The following SH3TC2 variants were observed in gnomAD, a reference collection of about 807,000 sequenced individuals.
SH3TC2 encodes SH3 domain and tetratricopeptide repeats 2.
A neutral mutation model predicts 124.5 loss-of-function variants in SH3TC2; 87 were observed. That is an observed-to-expected ratio of 0.70 (90% CI 0.59 to 0.84). The LOEUF is 0.84. Among genes scored for constraint, SH3TC2 ranks in the 40% least tolerant of loss-of-function variants. The pLI, the probability that SH3TC2 is intolerant of heterozygous loss-of-function variation, is 0.00. For missense variants in SH3TC2, 1,536 were observed against 1,566.4 expected (o/e 0.98, Z 0.33); for synonymous variants, 634 against 628.5 (o/e 1.01, Z -0.13).
At chr5:149,056,987 T>C (rs1045884964) in intron 1 of SH3TC2, among the ~76,000 whole-genome samples, 14 of 152,188 alleles carry the variant, frequency 9.2e-5, no homozygotes, top group African/African-American at 2.7e-4. Context: ...ATTTTAACAA[T>C]CTTTTTGATA....
Position 149,038,451 on chromosome 5 carries a change from C to T in SH3TC2, c.845G>A (p.Gly282Glu), listed in dbSNP as rs1754319209. 1 of 1,614,154 alleles carries T rather than the reference C, an allele frequency of 6.2e-7. No individual in the cohort carries two copies. The highest frequency in any genetic ancestry group is 8.5e-7 in the Non-Finnish European group (1 of 1,179,998). ...RCKALTGYEP[G>E]EKDELNFYQG... Reference sequence around the variant, plus strand: ...GTAGAAATTCAGTTCATCCTTTTCTCCTGGCTCATAACCCGTCAAGGCCTT... The same window carrying T: ...GTAGAAATTCAGTTCATCCTTTTCTTCTGGCTCATAACCCGTCAAGGCCTT... The change falls in exon 8 of 17, where the codon GGA (glycine) becomes GAA (glutamate). Residue 282 changes from glycine (G) to glutamate (E), a missense_variant. Coordinates refer to ENST00000515425, the MANE Select transcript of SH3TC2 (RefSeq NM_024577.4).
At chr5:149,051,447 G>T (rs543449971) in intron 2 of SH3TC2, among the ~76,000 whole-genome samples, 1 of 152,226 alleles carries the variant, frequency 6.6e-6, no homozygotes, top group Non-Finnish European at 1.5e-5. Context: ...AACCATTCAT[G>T]TATTCATTTA....
Position 149,028,671 on chromosome 5 carries a change from A to G in SH3TC2, c.1177+6T>C, listed in dbSNP as rs1754128347. 2 of 1,614,116 alleles carry G rather than the reference A, an allele frequency of 1.2e-6. No individual in the cohort carries two copies. The highest frequency in any genetic ancestry group is 1.7e-5 in the Admixed American group (1 of 60,024). ...GAATGTCAGGTTCAGCATGATCGCTACTCACCACTCAGATCATTTGGAGGA... is the reference window on the plus strand; with the variant it reads ...GAATGTCAGGTTCAGCATGATCGCTGCTCACCACTCAGATCATTTGGAGGA... On this transcript the variant is annotated splice_donor_region_variant and intron_variant, in intron 10 of 16. Transcript: ENST00000515425.
rs1342015224 is a variant in SH3TC2 at position 149,041,516 on chromosome 5, C to T, written c.631G>A (p.Ala211Thr). ...CCTTCCAACTCGGAGCCAGCTTCTG[C>T]CATCTTCACTGAGATTAACTCATTC... is the stretch of plus-strand genomic sequence containing the variant. ...CKNELISVKM[A>T]EAGSELEGVS... Residue 211 changes from alanine (A) to threonine (T), a missense_variant, in exon 6 of 17, where the codon GCA (alanine) becomes ACA (threonine). Physicochemically the swap from Ala to Thr is moderately conservative, Grantham distance 58. Coordinates refer to ENST00000515425, the MANE Select transcript of SH3TC2 (RefSeq NM_024577.4). 4 of 1,614,074 alleles carry T rather than the reference C, an allele frequency of 2.5e-6. No individual in the cohort carries two copies. In the East Asian group the frequency reaches 8.9e-5, roughly 36 times the overall value.
Position 148,984,852 on chromosome 5 carries a change from A to G in SH3TC2, c.*19859T>C, listed in dbSNP as rs1753308952. Reference sequence around the variant, plus strand: ...GTTATGTACTCCACTCACTTCTTTGACCTCAAATAATTTGTAATCTGCAAA... The same window carrying G: ...GTTATGTACTCCACTCACTTCTTTGGCCTCAAATAATTTGTAATCTGCAAA... On this transcript the variant is annotated 3_prime_UTR_variant, in exon 17 of 17. Coordinates refer to ENST00000515425, the MANE Select transcript of SH3TC2 (RefSeq NM_024577.4). Among the ~76,000 whole-genome samples, 1 of 152,114 alleles carries G rather than the reference A, an allele frequency of 6.6e-6. No individual in the cohort carries two copies. Among genetic ancestry groups the G allele is most frequent in the African/African-American group, 2.4e-5 (1 of 41,412 alleles).
At position 148,982,549 on chromosome 5, in the gene SH3TC2, C is replaced by T. The variant is rs1034685466; in HGVS notation, c.*22162G>A. On this transcript the variant is annotated 3_prime_UTR_variant, in exon 17 of 17. Coordinates refer to ENST00000515425, the MANE Select transcript of SH3TC2 (RefSeq NM_024577.4). ...GTTATTCCCATCATGCAAGGAGATACTTTACAGCTGTAAAAATGAATGAGG... is the reference window on the plus strand; with the variant it reads ...GTTATTCCCATCATGCAAGGAGATATTTTACAGCTGTAAAAATGAATGAGG... Among the ~76,000 whole-genome samples, 1 of 152,162 alleles carries T rather than the reference C, an allele frequency of 6.6e-6. No individual in the cohort carries two copies. The highest frequency in any genetic ancestry group is 2.4e-5 in the African/African-American group (1 of 41,442).
At chr5:149,037,087 C>T (rs1754295166) in intron 8 of SH3TC2, among the ~76,000 whole-genome samples, 1 of 152,194 alleles carries the variant, frequency 6.6e-6, no homozygotes, top group Non-Finnish European at 1.5e-5. Context: ...GGCCCTCACA[C>T]AGGCATTCCC....
chr5:149,030,799 G>A (rs908274854), intron 9 of SH3TC2, among the ~76,000 whole-genome samples: 1 of 152,228 alleles, frequency 6.6e-6, no homozygotes, highest in Non-Finnish European at 1.5e-5. Flanking sequence ...CGGACACAAT[G>A]TCACCATCAA....
intron 4 of SH3TC2, among the ~76,000 whole-genome samples, chr5:149,043,489 CCTGT>C (rs1236168286): frequency 3.3e-5 from 5 of 152,282 alleles, no homozygotes; most frequent in African/African-American, 9.6e-5. Flanking sequence ...GATGCAAAAG[CCTGT>C]CTGTTTCTAT....
intron 1 of SH3TC2, among the ~76,000 whole-genome samples, chr5:149,056,477 G>A (rs1017447252): frequency 6.6e-6 from 1 of 152,164 alleles, no homozygotes; most frequent in Admixed American, 6.5e-5. Context: ...ATTCTATGGT[G>A]TATATGTGTT....
chr5:148,992,600 G>GTTTTTTTTTTTTT lies in SH3TC2; in HGVS notation c.*12098_*12110dup, dbSNP rs35182601. ...ATAATTCCAAGAAGAGATTTCATTGGTTTTTTTTTTTTTTTTTTTTTTCAG... is the reference window on the plus strand; with the variant it reads ...ATAATTCCAAGAAGAGATTTCATTGGTTTTTTTTTTTTTTTTTTTTTTTTTTTTTTTTTTTCAG... On this transcript the variant is annotated 3_prime_UTR_variant, in exon 17 of 17. Transcript: ENST00000515425. 2.0e-5 allele frequency among the ~76,000 whole-genome samples: 2 copies of GTTTTTTTTTTTTT among 102,500 alleles called. No individual in the cohort carries two copies. The highest frequency in any genetic ancestry group is 3.6e-5 in the African/African-American group (1 of 27,474). 67.2% of individuals were successfully genotyped at this position (102,500 alleles called of 152,430 possible).
At position 148,984,367 on chromosome 5, in the gene SH3TC2, A is replaced by G. The variant is rs1428253509; in HGVS notation, c.*20344T>C. On this transcript the variant is annotated 3_prime_UTR_variant, in exon 17 of 17. Transcript: ENST00000515425. ...TCATTATACATTATAAATATATACA[A>G]TTATTATTTATCAATTAAAAATACA... 6.6e-6 allele frequency among the ~76,000 whole-genome samples: 1 copy of G among 152,032 alleles called. No homozygotes were observed. The highest frequency in any genetic ancestry group is 2.4e-5 in the African/African-American group (1 of 41,418).
intron 1 of SH3TC2, among the ~76,000 whole-genome samples, chr5:149,053,011 G>A (rs948725723): frequency 1.2e-4 from 19 of 152,180 alleles, no homozygotes; most frequent in African/African-American, 4.3e-4. Context: ...TTTAGTTGAT[G>A]GATTCTGTCC....
intron 15 of SH3TC2, chr5:149,007,958 TAA>T (rs1435571870): frequency 6.6e-6 from 1 of 152,582 alleles, no homozygotes; most frequent in Non-Finnish European, 1.5e-5. Context: ...CAGTGAGGGA[TAA>T]AGAGTGCTCA....
At position 148,996,195 on chromosome 5, in the gene SH3TC2, GGTAGCA is replaced by G. The variant is rs1753507306; in HGVS notation, c.*8510_*8515del. On this transcript the variant is annotated 3_prime_UTR_variant, in exon 17 of 17. Coordinates refer to ENST00000515425, the MANE Select transcript of SH3TC2 (RefSeq NM_024577.4). The stretch of plus-strand genomic sequence containing the variant: ...CAAGCACCTGAGTCTAGAAGGTCGA[GGTAGCA>G]GTGAACCATGGCCACCCCACTGCAC... 6.6e-6 allele frequency among the ~76,000 whole-genome samples: 1 copy of G among 152,064 alleles called. No individual in the cohort carries two copies. Among genetic ancestry groups the G allele is most frequent in the African/African-American group, 2.4e-5 (1 of 41,388 alleles).
intron 8 of SH3TC2, among the ~76,000 whole-genome samples, chr5:149,037,077 G>T (rs181853692): frequency 1.1e-4 from 16 of 152,026 alleles, no homozygotes; most frequent in Non-Finnish European, 2.2e-4. Flanking sequence ...TTAAGGAAAG[G>T]GCCCTCACAC....
rs1754083548 is a variant in SH3TC2 at position 149,027,274 on chromosome 5, C to T, written c.2458G>A (p.Glu820Lys). 1.2e-6 allele frequency: 2 copies of T among 1,614,140 alleles called. No homozygotes were observed. Among genetic ancestry groups the T allele is most frequent in the Non-Finnish European group, 1.7e-6 (2 of 1,180,050 alleles). Reference sequence around the variant, plus strand: ...TCCTTCAGGGAGCATAGCAGTGGCTCAAGCACATCCAAAGCCTTCTTGGCC... The same window carrying T: ...TCCTTCAGGGAGCATAGCAGTGGCTTAAGCACATCCAAAGCCTTCTTGGCC... ...SQAKKALDVL[E>K]PLLCSLKETE... Residue 820 changes from glutamate (E) to lysine (K), a missense_variant, in exon 11 of 17, where the codon GAG becomes AAG. Glu to Lys is a moderately conservative substitution (Grantham distance 56). Coordinates refer to ENST00000515425, the MANE Select transcript of SH3TC2 (RefSeq NM_024577.4).
Position 149,052,154 on chromosome 5 carries a change from T to G in SH3TC2, c.139A>C (p.Asn47His). ...EYKEKCFLPQ[N>H]INPDLTLSFC... The stretch of plus-strand genomic sequence containing the variant: ...GGCATTTGGATACCTGGATTAATGT[T>G]CTGTGGCAGAAAACATTTTTCCTTG... The change falls in exon 2 of 17, where the codon AAC becomes CAC. Residue 47 changes from asparagine to histidine, a missense_variant. Physicochemically the swap from Asn to His is moderately conservative, Grantham distance 68 (BLOSUM62 1). Around this residue, in one of 3 missense-constraint regions of SH3TC2, gnomAD observed 1,102 missense variants for 1,098.6 expected, o/e 1.00. Transcript: ENST00000515425. 2 of 1,610,566 alleles carry G rather than the reference T, an allele frequency of 1.2e-6. No homozygotes were observed. The highest frequency in any genetic ancestry group is 1.7e-6 in the Non-Finnish European group (2 of 1,176,772).
Position 149,027,457 on chromosome 5 carries a change from G to C in SH3TC2, c.2275C>G (p.Leu759Val). ...TACACTTTGGAAAGGATGAGACACAGGGCCCTCTGGGTGCTCCGGTCTGCT... is the reference window on the plus strand; with the variant it reads ...TACACTTTGGAAAGGATGAGACACACGGCCCTCTGGGTGCTCCGGTCTGCT... Reference protein sequence around the residue: ...ELADRSTQRALCLILSKVYLE... With the variant: ...ELADRSTQRAVCLILSKVYLE... The change falls in exon 11 of 17, where the codon CTG becomes GTG. Residue 759 changes from leucine (L) to valine (V), a missense_variant. Around this residue, in one of 3 missense-constraint regions of SH3TC2, gnomAD observed 1,102 missense variants for 1,098.6 expected, o/e 1.00. Transcript: ENST00000515425. The C allele has an allele frequency of 6.2e-7, 1 of 1,614,200 alleles. No individual in the cohort carries two copies. Among genetic ancestry groups the C allele is most frequent in the African/African-American group, 1.3e-5 (1 of 75,060 alleles).
Sources: gnomAD v4.1 joint callset for allele counts (sites outside exome capture counted in the v4.1 genomes callset) on GRCh38, gnomAD v4.1.1 for gene constraint, gnomAD v4.1.1 regional missense constraint, MANE v1.5 for transcripts, NCBI Gene and HGNC (gene_info 2026-07-23, HGNC 2026-07-21) for gene names.